TRRAP: variants seen among roughly 807,000 people sequenced by gnomAD.
The protein encoded by TRRAP is transformation/transcription domain-associated protein.
TRRAP carries 41 observed loss-of-function variants against 438.8 expected under a neutral mutation model. That is an observed-to-expected ratio of 0.09 (90% CI 0.07 to 0.12). The LOEUF is 0.12. Ranked by LOEUF, TRRAP falls within the 10% of genes least tolerant of loss-of-function variation. The pLI is 1.00. For synonymous variants in TRRAP, 1,994 were observed against 1,962.9 expected (o/e 1.02, Z -0.42); for missense variants, 3,122 against 5,055.1 (o/e 0.62, Z 11.60).
chr7:98,895,744 A>T lies in TRRAP; in HGVS notation c.451-20A>T. ...TGTTTATGAATATCTTCCTATAACG[A>T]AAGTGTCTGCTTTTTTTAGATTCAT... On this transcript the variant is annotated intron_variant, in intron 6 of 72. Coordinates refer to ENST00000456197, the MANE Select transcript of TRRAP (RefSeq NM_001375524.1). 1 of 1,589,778 alleles carries T rather than the reference A, an allele frequency of 6.3e-7. No homozygotes were observed. Among genetic ancestry groups the T allele is most frequent in the Non-Finnish European group, 8.6e-7 (1 of 1,168,448 alleles).
chr7:99,000,788 G>A (rs561110863), intron 67 of TRRAP, among the ~76,000 whole-genome samples: 13 of 152,228 alleles, frequency 8.5e-5, no homozygotes, highest in African/African-American at 2.4e-4. Context: ...CTGAAGGGTC[G>A]TGGCCAGGCT....
Position 98,893,892 on chromosome 7 carries a change from T to G in TRRAP, c.450+11T>G, listed in dbSNP as rs1277097102. 6.2e-7 allele frequency: 1 copy of G among 1,611,446 alleles called. No homozygotes were observed. The highest frequency in any genetic ancestry group is 8.5e-7 in the Non-Finnish European group (1 of 1,179,126). On this transcript the variant is annotated intron_variant, in intron 6 of 72. Transcript: ENST00000456197. Reference sequence around the variant, plus strand: ...CCGATCACACAAGAAGTAAGTTGTTTAAAATCCTTATAGCATTTATAAAGT... The same window carrying G: ...CCGATCACACAAGAAGTAAGTTGTTGAAAATCCTTATAGCATTTATAAAGT...
intron 57 of TRRAP, 80 bp downstream of exon 57, chr7:98,978,403 G>A: frequency 1.5e-6 from 2 of 1,300,854 alleles, no homozygotes; most frequent in Non-Finnish European, 2.2e-6. Context: ...TTCTTGTAAT[G>A]AGCGTTTTTT....
At chr7:98,945,095 G>A (rs1189794951) in intron 31 of TRRAP, among the ~76,000 whole-genome samples, 1 of 152,224 alleles carries the variant, frequency 6.6e-6, no homozygotes, top group Non-Finnish European at 1.5e-5. Flanking sequence ...GTGAGTGACA[G>A]TGGCCAGCCT....
Position 98,949,410 on chromosome 7 carries a change from C to T in TRRAP, c.4789-7C>T. On this transcript the variant is annotated splice_region_variant and splice_polypyrimidine_tract_variant and intron_variant, in intron 35 of 72. Transcript: ENST00000456197. ...TAAAACGGCTTTTCTATTTGTTTTG[C>T]TTTCAGAGTTTTTTAAAACACAAAG... 1 of 1,522,216 alleles carries T rather than the reference C, an allele frequency of 6.6e-7. No individual in the cohort carries two copies. The highest frequency in any genetic ancestry group is 8.8e-7 in the Non-Finnish European group (1 of 1,137,302). The allele number at this position is 1,522,216 out of a possible 1,614,324, so 94.3% of individuals were successfully genotyped here.
At chr7:98,966,010 C>T in intron 49 of TRRAP, 115 bp downstream of exon 49, 4 of 1,150,804 alleles carry the variant, frequency 3.5e-6, no homozygotes, top group South Asian at 1.5e-5. Context: ...TGTAATTGCA[C>T]TCACAGCATC....
At chr7:98,954,068 A>AT (rs1791475386) in intron 40 of TRRAP, among the ~76,000 whole-genome samples, 2 of 152,242 alleles carry the variant, frequency 1.3e-5, no homozygotes, top group Admixed American at 1.3e-4. Flanking sequence ...GCCAAAGACA[A>AT]TAGGTACTTT....
intron 64 of TRRAP, among the ~76,000 whole-genome samples, chr7:98,991,020 C>T (rs1793405624): frequency 6.6e-6 from 1 of 152,200 alleles, no homozygotes; most frequent in African/African-American, 2.4e-5. Context: ...TGCCCTTAAA[C>T]TAAAACATGC....
In TRRAP at chr7:98,976,164, A is replaced by G; in HGVS notation, c.7855A>G (p.Ser2619Gly). Residue 2619 changes from serine to glycine, a missense_variant, in exon 54 of 73, where the codon AGC becomes GGC. This residue lies in a region of TRRAP where 992 missense variants were observed against 1,281.2 expected (regional missense o/e 0.77). Transcript: ENST00000456197. The surrounding 1 kb of genome is among the most constrained non-coding windows in gnomAD (Gnocchi z 4.6). ...CTGTTCATAGACTGGAGCGCTGCTC[A>G]GCGCTTTCGTTCAGCTGTGCCACAT... ...LREVKTGALLSAFVQLCHIST... is the reference protein window; with the variant it reads ...LREVKTGALLGAFVQLCHIST... The G allele has an allele frequency of 6.2e-7, 1 of 1,614,008 alleles. No individual in the cohort carries two copies. Among genetic ancestry groups the G allele is most frequent in the Non-Finnish European group, 8.5e-7 (1 of 1,179,932 alleles).
At chr7:98,947,247 C>CT (rs1397686945) in intron 33 of TRRAP, among the ~76,000 whole-genome samples, 1 of 152,232 alleles carries the variant, frequency 6.6e-6, no homozygotes, top group Non-Finnish European at 1.5e-5. Context: ...AGCTGTGAGA[C>CT]AGTAGAACAT....
At chr7:98,964,966 T>C (rs114594391) in intron 48 of TRRAP, among the ~76,000 whole-genome samples, 191 bp downstream of exon 48, 182 of 152,350 alleles carry the variant, frequency 1.2e-3, no homozygotes, top group African/African-American at 3.8e-3. Flanking sequence ...AATGGACTGT[T>C]ATTAAGCTGG....
At chr7:98,919,466 G>A (rs1789683839) in intron 20 of TRRAP, among the ~76,000 whole-genome samples, 1 of 152,182 alleles carries the variant, frequency 6.6e-6, no homozygotes, top group South Asian at 2.1e-4. Flanking sequence ...GCTGGATGTG[G>A]TGGTACATGC....
At chr7:98,982,514 A>T (rs1183002049) in intron 59 of TRRAP, among the ~76,000 whole-genome samples, 1 of 152,256 alleles carries the variant, frequency 6.6e-6, no homozygotes, top group South Asian at 2.1e-4. Flanking sequence ...ATAGCCATAG[A>T]AACAAATTTA....
chr7:98,999,873 A>T, intron 67 of TRRAP: 1 of 415,964 alleles, frequency 2.4e-6, no homozygotes, highest in Non-Finnish European at 4.3e-6. Context: ...CTCCATCTTA[A>T]ATACTCGCCA....
chr7:98,959,213 A>C, intron 44 of TRRAP, 131 bp from the exon 45 acceptor site: 1 of 1,272,764 alleles, frequency 7.9e-7, no homozygotes, highest in Non-Finnish European at 1.1e-6. Flanking sequence ...GTCAGGCGGA[A>C]GAGAGGTGGC....
At position 98,972,348 on chromosome 7, in the gene TRRAP, A is replaced by C. The variant is rs1792454861; in HGVS notation, c.7839+403A>C. ...GTGAAGCAGAGATTTGGAGTGTCAC[A>C]GTGTCTTATAGGAGAAAATAGGAAA... On this transcript the variant is annotated intron_variant, in intron 53 of 72. Transcript: ENST00000456197. 3.3e-5 allele frequency among the ~76,000 whole-genome samples: 5 copies of C among 152,214 alleles called. No homozygotes were observed. In the South Asian group the frequency reaches 1.0e-3, roughly 32 times the overall value.
intron 41 of TRRAP, 113 bp downstream of exon 41, chr7:98,955,417 T>G: frequency 8.9e-7 from 1 of 1,123,740 alleles, no homozygotes; most frequent in Non-Finnish European, 1.2e-6. Flanking sequence ...TTAGTAAGGC[T>G]ACTTCTGGTT....
intron 48 of TRRAP, 37 bp from the exon 49 acceptor site, chr7:98,965,659 A>G (rs1792120968): frequency 2.5e-6 from 4 of 1,612,134 alleles, no homozygotes; most frequent in Non-Finnish European, 1.7e-6. Flanking sequence ...ATCAACGTTT[A>G]GAGACCCGTG....
Position 98,984,236 on chromosome 7 carries a change from A to T in TRRAP, c.9166A>T (p.Ile3056Leu). 2 of 1,614,090 alleles carry T rather than the reference A, an allele frequency of 1.2e-6. No individual in the cohort carries two copies. Among genetic ancestry groups the T allele is most frequent in the Middle Eastern group, 1.6e-4 (1 of 6,062 alleles). Reference sequence around the variant, plus strand: ...AGGACTGGTCAATGTAGCTCTGGATATATTAAGTCGGATTCATACTATTCC... The same window carrying T: ...AGGACTGGTCAATGTAGCTCTGGATTTATTAAGTCGGATTCATACTATTCC... Reference protein sequence around the residue: ...KQGLVNVALDILSRIHTIPTV... With the variant: ...KQGLVNVALDLLSRIHTIPTV... Residue 3056 changes from isoleucine to leucine, a missense_variant, in exon 61 of 73, where the codon ATA (isoleucine) becomes TTA (leucine). By Grantham distance (5) the Ile-to-Leu change is conservative. Around this residue, in one of 24 missense-constraint regions of TRRAP, gnomAD observed 129 missense variants for 279.2 expected, o/e 0.46. Coordinates refer to ENST00000456197, the MANE Select transcript of TRRAP (RefSeq NM_001375524.1).
Sources: allele counts gnomAD v4.1 joint callset (sites outside exome capture counted in the v4.1 genomes callset), GRCh38; gene constraint gnomAD v4.1.1; regional missense constraint gnomAD v4.1.1; non-coding constraint Gnocchi (gnomAD v3.1); transcripts MANE v1.5; gene names NCBI Gene and HGNC (gene_info 2026-07-23, HGNC 2026-07-21).